Variants in EPHA6 observed in about 807,000 individuals in gnomAD.
EPHA6 encodes the protein EPH receptor A6, also known as ephrin type-A receptor 6.
In EPHA6, 50 loss-of-function variants were observed where a neutral mutation model predicts 112.0. The ratio of observed to expected loss-of-function variants is 0.45; its 90% CI spans 0.36 to 0.56. The LOEUF is 0.56. Ranked by LOEUF, EPHA6 falls within the 20% of genes least tolerant of loss-of-function variation. The probability of loss-of-function intolerance (pLI) is 0.00; values close to 1 mark genes in which losing one functional copy is unlikely to be tolerated. For synonymous variants in EPHA6, 529 were observed against 490.7 expected (o/e 1.08, Z -1.03); for missense variants, 1,280 against 1,417.4 (o/e 0.90, Z 1.56).
chr3:96,874,117 G>T (rs2036804834), intron 2 of EPHA6, among the ~76,000 whole-genome samples: 3 of 152,080 alleles, frequency 2.0e-5, no homozygotes, highest in Admixed American at 6.6e-5. Flanking sequence ...TGACTGCAGT[G>T]AAGGGTGAAA....
chr3:96,820,006 A>C (rs900358743), intron 1 of EPHA6, among the ~76,000 whole-genome samples: 7 of 152,072 alleles, frequency 4.6e-5, no homozygotes, highest in Admixed American at 3.3e-4. Context: ...GGTGACATTG[A>C]AACCTCATTC....
chr3:97,525,414 T>C (rs549217132), intron 10 of EPHA6, among the ~76,000 whole-genome samples: 1 of 152,206 alleles, frequency 6.6e-6, no homozygotes, highest in South Asian at 2.1e-4. Context: ...CTTTTAGTTG[T>C]CTATCTCTAT....
intron 3 of EPHA6, among the ~76,000 whole-genome samples, chr3:97,014,858 G>A (rs1301134906): frequency 6.6e-6 from 1 of 152,112 alleles, no homozygotes; most frequent in East Asian, 1.9e-4. Context: ...GATGGCCATG[G>A]AGTAGTGGTA....
At chr3:96,972,188 C>A (rs1375258322) in intron 2 of EPHA6, among the ~76,000 whole-genome samples, 2 of 151,928 alleles carry the variant, frequency 1.3e-5, no homozygotes, top group East Asian at 3.9e-4. Context: ...CATGACTATT[C>A]CCCCTTTATA....
At chr3:97,128,198 T>C (rs1294445746) in intron 3 of EPHA6, among the ~76,000 whole-genome samples, 1 of 152,208 alleles carries the variant, frequency 6.6e-6, no homozygotes, top group African/African-American at 2.4e-5. Flanking sequence ...TTTTATTCTT[T>C]TTTGTGGCTG....
chr3:96,890,597 A>G (rs1049633136), intron 2 of EPHA6, among the ~76,000 whole-genome samples: 4 of 152,210 alleles, frequency 2.6e-5, no homozygotes, highest in Non-Finnish European at 5.9e-5. Flanking sequence ...GTTATCATGA[A>G]TATATTGGAA....
At chr3:97,465,920 T>A (rs2091035108) in intron 7 of EPHA6, among the ~76,000 whole-genome samples, 1 of 152,182 alleles carries the variant, frequency 6.6e-6, no homozygotes, top group South Asian at 2.1e-4. Context: ...TTTCACATTC[T>A]AACATGCTGT....
In EPHA6 at chr3:97,304,260, G is replaced by A. The variant is rs191858511; in HGVS notation, c.1606+59973G>A. Among the ~76,000 whole-genome samples, 7 of 151,816 alleles carry A rather than the reference G, an allele frequency of 4.6e-5. 1 individual carries two copies. Among genetic ancestry groups the A allele is most frequent in the Admixed American group, 2.6e-4 (4 of 15,192 alleles). On this transcript the variant is annotated intron_variant, in intron 5 of 17. Transcript: ENST00000389672. ...CTCTTTATCTTGCCTGATTGCTGTG[G>A]CCAGAACTTCCAATACTATATTGAA...
At chr3:97,254,120 A>G (rs2079228313) in intron 5 of EPHA6, among the ~76,000 whole-genome samples, 1 of 151,984 alleles carries the variant, frequency 6.6e-6, no homozygotes, top group African/African-American at 2.4e-5. Context: ...TACTTGTATT[A>G]AGAGGTAAAC....
At chr3:97,234,201 C>A in intron 4 of EPHA6, among the ~76,000 whole-genome samples, 1 of 152,002 alleles carries the variant, frequency 6.6e-6, no homozygotes, top group African/African-American at 2.4e-5. Context: ...GGGGGATGAT[C>A]TGATCTTTCA....
Position 97,592,614 on chromosome 3 carries a change from T to A in EPHA6, c.2389T>A (p.Ser797Thr). 3 of 1,613,258 alleles carry A rather than the reference T, an allele frequency of 1.9e-6. No homozygotes were observed. In the South Asian group the frequency reaches 3.3e-5, roughly 18 times the overall value. The change falls in exon 12 of 18, where the codon TCC becomes ACC. Residue 797 changes from serine to threonine, a missense_variant and splice_region_variant. Ser to Thr is a moderately conservative substitution (Grantham distance 58, BLOSUM62 1). Transcript: ENST00000389672. ...TGTCAATTTTTATCTCTTAAAAGGATCCTTCCCGGCCATTGGGGTGGAGGC... is the reference window on the plus strand; with the variant it reads ...TGTCAATTTTTATCTCTTAAAAGGAACCTTCCCGGCCATTGGGGTGGAGGC... ...IRLEGVVTKR[S>T]FPAIGVEAFC...
chr3:97,668,051 T>C (rs1028643172), intron 14 of EPHA6, among the ~76,000 whole-genome samples: 1 of 151,888 alleles, frequency 6.6e-6, no homozygotes, highest in Non-Finnish European at 1.5e-5. Flanking sequence ...TGTGTTATTT[T>C]ATATTTTTTT....
chr3:97,581,426 T>C (rs1663009339), intron 11 of EPHA6, among the ~76,000 whole-genome samples: 1 of 152,242 alleles, frequency 6.6e-6, no homozygotes, highest in African/African-American at 2.4e-5. Flanking sequence ...AACCCCTATA[T>C]GCAACATGCC....
intron 3 of EPHA6, among the ~76,000 whole-genome samples, chr3:97,223,604 G>A (rs886474539): frequency 1.3e-5 from 2 of 152,154 alleles, no homozygotes; most frequent in Non-Finnish European, 2.9e-5. Context: ...AGTTATCAAG[G>A]CAACAGCTTC....
At chr3:96,922,034 TAG>T (rs112126178) in intron 2 of EPHA6, among the ~76,000 whole-genome samples, 48 of 149,490 alleles carry the variant, frequency 3.2e-4, no homozygotes, top group Middle Eastern at 3.4e-3. Flanking sequence ...CCTTAATGTC[TAG>T]AGAGAGAGAG....
At chr3:97,327,837 GTATA>G (rs113110868) in intron 5 of EPHA6, among the ~76,000 whole-genome samples, 2,299 of 144,896 alleles carry the variant, frequency 0.016, 66 homozygotes, top group African/African-American at 0.055. Flanking sequence ...GTGTGTGTGT[GTATA>G]TATATATATA....
intron 10 of EPHA6, among the ~76,000 whole-genome samples, chr3:97,521,282 G>T (rs2092538786): frequency 6.7e-6 from 1 of 150,046 alleles, no homozygotes. Flanking sequence ...TGTTTCTTGT[G>T]TCTTTACATT....
chr3:97,179,639 T>C (rs919666813), intron 3 of EPHA6, among the ~76,000 whole-genome samples: 18 of 151,988 alleles, frequency 1.2e-4, no homozygotes, highest in African/African-American at 4.8e-5. Flanking sequence ...TTGATGATCT[T>C]GGACAAGGTC....
intron 7 of EPHA6, among the ~76,000 whole-genome samples, chr3:97,465,796 A>G (rs2107412694): frequency 6.6e-6 from 1 of 152,148 alleles, no homozygotes; most frequent in South Asian, 2.1e-4. Flanking sequence ...TGTAGCCTCA[A>G]ATTCATGTTA....
Sources: gnomAD v4.1 joint callset for allele counts (sites outside exome capture counted in the v4.1 genomes callset) on GRCh38, gnomAD v4.1.1 for gene constraint, MANE v1.5 for transcripts, NCBI Gene and HGNC (gene_info 2026-07-23, HGNC 2026-07-21) for gene names.